JPH3: variants seen among roughly 807,000 people sequenced by gnomAD.
JPH3 encodes the protein junctophilin 3, also known as junctophilin-3.
Under a neutral mutation model 59.6 loss-of-function variants are expected in JPH3, and 11 were observed. The ratio of observed to expected loss-of-function variants is 0.18; its 90% CI spans 0.12 to 0.31. The LOEUF (loss-of-function observed/expected upper bound fraction) is 0.31, where lower values mean the gene tolerates loss of function less well. JPH3 is among the 10% of genes least tolerant of loss of function. The pLI is 1.00. For missense variants in JPH3, 1,202 were observed against 1,105.7 expected, an observed-to-expected ratio of 1.09 and a Z score of -1.24; for synonymous variants, 673 against 483.6, an observed-to-expected ratio of 1.39 and a Z score of -5.14.
At chr16:87,664,860 G>A (rs1174839561) in intron 2 of JPH3, among the ~76,000 whole-genome samples, 2 of 152,262 alleles carry the variant, frequency 1.3e-5, no homozygotes, top group African/African-American at 4.8e-5. Context: ...AGACCTGTAT[G>A]CAGAGGCCCA....
intron 1 of JPH3, among the ~76,000 whole-genome samples, chr16:87,634,346 A>G (rs1374573186): frequency 2.0e-5 from 3 of 152,130 alleles, no homozygotes; most frequent in African/African-American, 7.2e-5. Flanking sequence ...AAAGCGGCTC[A>G]AGTGGAAGAT....
chr16:87,643,976 A>G (rs941883012), intron 1 of JPH3, among the ~76,000 whole-genome samples: 1 of 152,108 alleles, frequency 6.6e-6, no homozygotes, highest in Non-Finnish European at 1.5e-5. Flanking sequence ...CATCTCTACA[A>G]ATAATTTACA....
intron 2 of JPH3, among the ~76,000 whole-genome samples, chr16:87,669,499 C>G (rs1042213008): frequency 2.0e-5 from 3 of 152,244 alleles, no homozygotes; most frequent in Admixed American, 6.5e-5. Flanking sequence ...GCCTGGCAGC[C>G]TCTGAGCCTC....
intron 2 of JPH3, among the ~76,000 whole-genome samples, chr16:87,677,225 C>CACACACAA (rs1271128667): frequency 6.1e-5 from 5 of 81,722 alleles, no homozygotes; most frequent in South Asian, 3.4e-4. Flanking sequence ...CACACACACA[C>CACACACAA]AAAAAAAAAA....
At position 87,645,080 on chromosome 16, in the gene JPH3, GT is replaced by G. The variant is rs1312629009; in HGVS notation, c.1160+46del. 4 of 1,555,756 alleles carry G rather than the reference GT, an allele frequency of 2.6e-6. No individual in the cohort carries two copies. In the Admixed American group the frequency reaches 7.0e-5, roughly 27 times the overall value. On this transcript the variant is annotated intron_variant, in intron 2 of 4. Transcript: ENST00000284262. Reference sequence around the variant, plus strand: ...GGGGGCCCTTCTTGGTGCCCAGAAGGTGTTTGTGAGCCCAGTCTGTTCAGTC... The same window carrying G: ...GGGGGCCCTTCTTGGTGCCCAGAAGGGTTTGTGAGCCCAGTCTGTTCAGTC...
At chr16:87,679,892 C>T (rs561706114) in intron 2 of JPH3, among the ~76,000 whole-genome samples, 33 of 152,390 alleles carry the variant, frequency 2.2e-4, no homozygotes, top group Non-Finnish European at 4.0e-4. Flanking sequence ...AGGAGGGTGC[C>T]TGTGTGGGCC....
chr16:87,618,676 G>A (rs1358831967), intron 1 of JPH3, among the ~76,000 whole-genome samples: 1 of 152,172 alleles, frequency 6.6e-6, no homozygotes, highest in Non-Finnish European at 1.5e-5. Context: ...TGTCTTTTTG[G>A]TTGCAGCCAC....
At chr16:87,613,099 T>TAC (rs2030794434) in intron 1 of JPH3, among the ~76,000 whole-genome samples, 1 of 137,252 alleles carries the variant, frequency 7.3e-6, no homozygotes, top group Non-Finnish European at 1.6e-5. Context: ...CTTTCTCTTT[T>TAC]TTTTTTTTTT....
chr16:87,604,992 TGC>T (rs201227794), intron 1 of JPH3: 25 of 439,630 alleles, frequency 5.7e-5, no homozygotes, highest in Non-Finnish European at 1.0e-4. Context: ...TGTGTGTGTG[TGC>T]GCGCGCGTGC....
Position 87,634,666 on chromosome 16 carries a change from G to A in JPH3, c.383-9592G>A, listed in dbSNP as rs148097270. ...TGTGACGGGAGGGGGGCTCTGGCCC[G>A]TGCCCACCCATGGGAAACGGGCCCT... is the stretch of plus-strand genomic sequence containing the variant. On this transcript the variant is annotated intron_variant, in intron 1 of 4. Transcript: ENST00000284262. Among the ~76,000 whole-genome samples the A allele has an allele frequency of 4.3e-3, 657 of 152,336 alleles. 9 individuals carry two copies. The highest frequency in any genetic ancestry group is 0.015 in the African/African-American group (632 of 41,574).
intron 1 of JPH3, among the ~76,000 whole-genome samples, chr16:87,609,804 A>G (rs1158645803): frequency 6.6e-6 from 1 of 152,230 alleles, no homozygotes; most frequent in Admixed American, 6.5e-5. Context: ...TTTTGGCACC[A>G]GGGACCTGTT....
At chr16:87,657,938 G>A (rs1012709129) in intron 2 of JPH3, among the ~76,000 whole-genome samples, 1 of 152,196 alleles carries the variant, frequency 6.6e-6, no homozygotes, top group East Asian at 1.9e-4. Flanking sequence ...GCCAGGGGAT[G>A]GACAGCTGTC....
At chr16:87,666,094 T>TC in intron 2 of JPH3, among the ~76,000 whole-genome samples, 1 of 62,862 alleles carries the variant, frequency 1.6e-5, no homozygotes, top group African/African-American at 1.1e-4. Flanking sequence ...TTTTTTTCTC[T>TC]TTTTTTTTTT....
intron 2 of JPH3, among the ~76,000 whole-genome samples, chr16:87,659,763 T>C (rs1031784393): frequency 6.6e-6 from 1 of 152,154 alleles, no homozygotes; most frequent in African/African-American, 2.4e-5. Flanking sequence ...TTAACCATTT[T>C]TAAGTGTACC....
intron 2 of JPH3, among the ~76,000 whole-genome samples, chr16:87,671,844 C>G (rs1048311088): frequency 2.0e-5 from 3 of 152,218 alleles, no homozygotes; most frequent in African/African-American, 7.2e-5. Flanking sequence ...CTGAGTAGAG[C>G]AGAGTTATTT....
rs551164247 is a variant in JPH3 at position 87,633,254 on chromosome 16, T to C, written c.383-11004T>C. ...CTCTGTATGCCTCTGAGTCCCTTCA[T>C]AGAAAGACACCAGGCCTATTGGATG... On this transcript the variant is annotated intron_variant, in intron 1 of 4. Coordinates refer to ENST00000284262, the MANE Select transcript of JPH3 (RefSeq NM_020655.4). 3.3e-5 allele frequency among the ~76,000 whole-genome samples: 5 copies of C among 151,824 alleles called. No individual in the cohort carries two copies. The East Asian group carries it at 5.8e-4, about 18-fold the overall frequency.
intron 1 of JPH3, among the ~76,000 whole-genome samples, chr16:87,615,548 C>G (rs1310271088): frequency 6.6e-6 from 1 of 152,176 alleles, no homozygotes; most frequent in Non-Finnish European, 1.5e-5. Flanking sequence ...CATGGCTCCC[C>G]CATTTTCCAG....
rs373272696 is a variant in JPH3, at chr16:87,626,043, C to T, written c.383-18215C>T. On this transcript the variant is annotated intron_variant, in intron 1 of 4. Coordinates refer to ENST00000284262, the MANE Select transcript of JPH3 (RefSeq NM_020655.4). ...CCTGGATTCCTTAGCTCAGGTTGTTCTTGGAGTATGCGTAAGTTACTGCTA... is the reference window on the plus strand; with the variant it reads ...CCTGGATTCCTTAGCTCAGGTTGTTTTTGGAGTATGCGTAAGTTACTGCTA... Among the ~76,000 whole-genome samples, 9 of 152,278 alleles carry T rather than the reference C, an allele frequency of 5.9e-5. No homozygotes were observed. In the South Asian group the frequency reaches 1.2e-3, roughly 21 times the overall value.
chr16:87,657,375 C>T (rs564786387), intron 2 of JPH3, among the ~76,000 whole-genome samples: 1 of 152,188 alleles, frequency 6.6e-6, no homozygotes, highest in South Asian at 2.1e-4. Flanking sequence ...AGGGAGTGGA[C>T]TGGGTTACCA....
Sources: gnomAD v4.1 joint callset for allele counts (sites outside exome capture counted in the v4.1 genomes callset) on GRCh38, gnomAD v4.1.1 for gene constraint, MANE v1.5 for transcripts, NCBI Gene and HGNC (gene_info 2026-07-23, HGNC 2026-07-21) for gene names.